Variants in ANP32A observed in about 807,000 individuals in gnomAD.
ANP32A encodes the protein acidic leucine-rich nuclear phosphoprotein 32 family member A.
A neutral mutation model predicts 33.9 loss-of-function variants in ANP32A; 1 was observed. The ratio of observed to expected loss-of-function variants is 0.03; its 90% confidence interval spans 0.01 to 0.14. ANP32A has a LOEUF of 0.14. Ranked by LOEUF, ANP32A falls within the 10% of genes least tolerant of loss-of-function variation. The pLI is 1.00. For missense variants in ANP32A, 155 were observed against 306.0 expected (o/e 0.51, Z 3.68); for synonymous variants, 115 against 120.5 (o/e 0.95, Z 0.30).
At position 68,787,793 on chromosome 15, in the gene ANP32A, G is replaced by T; in HGVS notation, c.181C>A (p.Pro61Thr). ...NVGLTSIANL[P>T]KLNKLKKLEL... is the part of the protein sequence containing the mutation. Reference sequence around the variant, plus strand: ...ACCTTCTTAAGTTTGTTTAACTTTGGTAAGTTTGCGATTGAGGTGAGGCCT... The same window carrying T: ...ACCTTCTTAAGTTTGTTTAACTTTGTTAAGTTTGCGATTGAGGTGAGGCCT... Residue 61 changes from proline (P) to threonine (T), a missense_variant, in exon 2 of 7, where the codon CCA (proline) becomes ACA (threonine). Physicochemically the swap from Pro to Thr is conservative, Grantham distance 38 (BLOSUM62 -1). Coordinates refer to ENST00000465139, the MANE Select transcript of ANP32A (RefSeq NM_006305.4). The T allele has an allele frequency of 6.2e-7, 1 of 1,614,100 alleles. No homozygotes were observed. The highest frequency in any genetic ancestry group is 8.5e-7 in the Non-Finnish European group (1 of 1,180,004).
intron 1 of ANP32A, chr15:68,818,295 C>A: frequency 3.8e-6 from 1 of 262,162 alleles, no homozygotes; most frequent in Non-Finnish European, 8.0e-6. Flanking sequence ...GCTCCCGGAG[C>A]CCAGTTGGGA....
chr15:68,789,721 TC>T (rs953143967), intron 1 of ANP32A: 15 of 152,670 alleles, frequency 9.8e-5, no homozygotes, highest in African/African-American at 3.4e-4. Flanking sequence ...GGCATGCCAC[TC>T]CGCCCGGGAC....
rs565787917 is a variant in ANP32A at position 68,802,077 on chromosome 15, G to A, written c.55-14158C>T. On this transcript the variant is annotated intron_variant, in intron 1 of 6. Coordinates refer to ENST00000465139, the MANE Select transcript of ANP32A (RefSeq NM_006305.4). ...CTTCAGACTAAGGAGTCTCAATCTGGTCCAACTGCCTCACCATACGGATAG... is the reference window on the plus strand; with the variant it reads ...CTTCAGACTAAGGAGTCTCAATCTGATCCAACTGCCTCACCATACGGATAG... Among the ~76,000 whole-genome samples the A allele has an allele frequency of 1.1e-3, 161 of 152,262 alleles. 1 individual carries two copies. The highest frequency in any genetic ancestry group is 3.7e-3 in the African/African-American group (155 of 41,540).
chr15:68,787,699 TAAAC>T (rs1479197606), intron 2 of ANP32A, 67 bp downstream of exon 2: 1 of 1,601,594 alleles, frequency 6.2e-7, no homozygotes, highest in Non-Finnish European at 8.5e-7. Context: ...TTACTCTTTC[TAAAC>T]ATAGGTAATA....
At position 68,779,904 on chromosome 15, in the gene ANP32A, CA is replaced by C; in HGVS notation, c.*176del. The C allele has an allele frequency of 1.9e-6, 1 of 529,512 alleles. No individual in the cohort carries two copies. The highest frequency in any genetic ancestry group is 3.3e-5 in the Admixed American group (1 of 30,252). The allele number at this position is 529,512 out of a possible 1,614,324, so 32.8% of individuals were successfully genotyped here. On this transcript the variant is annotated 3_prime_UTR_variant, in exon 7 of 7. Coordinates refer to ENST00000465139, the MANE Select transcript of ANP32A (RefSeq NM_006305.4). The stretch of plus-strand genomic sequence containing the variant: ...TAAAAATAGTATTTTATTCCACCCC[CA>C]CCCGCCATCCCTCCCCCCGCAACCC...
At chr15:68,783,929 G>C (rs1471292567) in intron 4 of ANP32A, among the ~76,000 whole-genome samples, 1 of 152,098 alleles carries the variant, frequency 6.6e-6, no homozygotes. Context: ...TGAATACCTA[G>C]ATGGGAAAGA....
intron 2 of ANP32A, 46 bp downstream of exon 2, chr15:68,787,724 C>G (rs921362235): frequency 6.2e-7 from 1 of 1,609,324 alleles, no homozygotes; most frequent in Non-Finnish European, 8.5e-7. Context: ...ACCCTTCCCA[C>G]TCCCCACCCC....
At chr15:68,817,370 C>G (rs536602993) in intron 1 of ANP32A, 1 of 152,444 alleles carries the variant, frequency 6.6e-6, no homozygotes, top group Non-Finnish European at 1.5e-5. Flanking sequence ...ACCTGAAACA[C>G]GGAGCTCGAC....
At chr15:68,817,382 T>C (rs550564705) in intron 1 of ANP32A, 1 of 152,466 alleles carries the variant, frequency 6.6e-6, no homozygotes, top group South Asian at 2.1e-4. Context: ...GAGCTCGACC[T>C]ACCTTCCCGG....
chr15:68,820,096 C>T (rs1432871702), intron 1 of ANP32A, among the ~76,000 whole-genome samples: 5 of 152,090 alleles, frequency 3.3e-5, no homozygotes, highest in Admixed American at 1.3e-4. Context: ...CCGCTGCAGC[C>T]CCCTCCCCAC....
chr15:68,807,467 C>A (rs1894249651), intron 1 of ANP32A, among the ~76,000 whole-genome samples: 1 of 145,642 alleles, frequency 6.9e-6, no homozygotes, highest in South Asian at 2.1e-4. Flanking sequence ...AGCCTCCCTG[C>A]CCCTCCCCTC....
chr15:68,782,947 C>T lies in ANP32A; in HGVS notation c.624+9G>A. The T allele has an allele frequency of 6.4e-7, 1 of 1,551,696 alleles. No individual in the cohort carries two copies. The highest frequency in any genetic ancestry group is 8.7e-7 in the Non-Finnish European group (1 of 1,146,914). On this transcript the variant is annotated intron_variant, in intron 5 of 6. Transcript: ENST00000465139. ...CAGACGGTGGCCCTGCCCAGCCCAGCCTCCTTACCTCCTCCTCTCCACTCA... is the reference window on the plus strand; with the variant it reads ...CAGACGGTGGCCCTGCCCAGCCCAGTCTCCTTACCTCCTCCTCTCCACTCA...
intron 1 of ANP32A, among the ~76,000 whole-genome samples, chr15:68,797,500 C>T (rs560027427): frequency 6.6e-6 from 1 of 152,166 alleles, no homozygotes; most frequent in Non-Finnish European, 1.5e-5. Context: ...CACATCACAT[C>T]ATGTCTCATT....
intron 1 of ANP32A, among the ~76,000 whole-genome samples, chr15:68,811,903 A>T (rs77823412): frequency 2.0e-5 from 3 of 148,462 alleles, no homozygotes; most frequent in Non-Finnish European, 4.5e-5. Context: ...CACCCGGCTG[A>T]TTTTTTTTTT....
intron 5 of ANP32A, chr15:68,781,751 C>G (rs908709846): frequency 2.0e-5 from 3 of 152,554 alleles, no homozygotes; most frequent in Non-Finnish European, 2.9e-5. Context: ...TTATAGGCAT[C>G]CATCAACATG....
At chr15:68,799,274 G>C (rs1206721693) in intron 1 of ANP32A, among the ~76,000 whole-genome samples, 3 of 152,186 alleles carry the variant, frequency 2.0e-5, no homozygotes, top group Non-Finnish European at 4.4e-5. Context: ...AGGAAGGGGA[G>C]AGGGAGAGAC....
At chr15:68,797,538 CCACAGGGAT>C (rs758786653) in intron 1 of ANP32A, among the ~76,000 whole-genome samples, 32 of 152,122 alleles carry the variant, frequency 2.1e-4, no homozygotes, top group Admixed American at 1.6e-3. Flanking sequence ...CTTTTAATGG[CCACAGGGAT>C]CAAGTGCAAA....
intron 1 of ANP32A, 137 bp downstream of exon 1, chr15:68,820,561 G>T: frequency 2.4e-6 from 1 of 417,402 alleles, no homozygotes; most frequent in South Asian, 4.8e-5. Flanking sequence ...TTGCCAATTC[G>T]CTTGCAGTCC....
In ANP32A at chr15:68,807,581, C is replaced by A. The variant is rs1336110627; in HGVS notation, c.54+13117G>T. Among the ~76,000 whole-genome samples, 5 of 152,168 alleles carry A rather than the reference C, an allele frequency of 3.3e-5. No homozygotes were observed. In the East Asian group the frequency reaches 9.6e-4, roughly 29 times the overall value. On this transcript the variant is annotated intron_variant, in intron 1 of 6. Coordinates refer to ENST00000465139, the MANE Select transcript of ANP32A (RefSeq NM_006305.4). ...GCACCTTCTGGAGAGGGGCTGACTCCACCCCACCCCCACCGCTGACCAAAC... is the reference window on the plus strand; with the variant it reads ...GCACCTTCTGGAGAGGGGCTGACTCAACCCCACCCCCACCGCTGACCAAAC...
Sources: gnomAD v4.1 joint callset for allele counts (sites outside exome capture counted in the v4.1 genomes callset) on GRCh38, gnomAD v4.1.1 for gene constraint, MANE v1.5 for transcripts, NCBI Gene and HGNC (gene_info 2026-07-23, HGNC 2026-07-21) for gene names.